Variants in AAK1 observed in about 807,000 individuals in gnomAD.
AAK1 encodes the protein AP2-associated protein kinase 1.
AAK1 carries 37 observed loss-of-function variants against 116.0 expected under a neutral mutation model. The observed-to-expected ratio is 0.32, with a 90% CI of 0.25 to 0.42. The LOEUF is 0.42. Among genes scored for constraint, AAK1 ranks in the 10% least tolerant of loss-of-function variants. The probability of loss-of-function intolerance (pLI) is 1.00; values close to 1 mark genes in which losing one functional copy is unlikely to be tolerated. For missense variants in AAK1, 919 were observed against 1,170.6 expected (o/e 0.79, Z 3.14); for synonymous variants, 458 against 439.9 (o/e 1.04, Z -0.51).
chr2:69,521,915 A>G lies in AAK1; in HGVS notation c.1056-927T>C, dbSNP rs147468505. Among the ~76,000 whole-genome samples, 31 of 152,402 alleles carry G rather than the reference A, an allele frequency of 2.0e-4. No individual in the cohort carries two copies. In the East Asian group the frequency reaches 5.8e-3, roughly 28 times the overall value. ...TAGATCCCTGAGGGCCTCATGGAGCAGAACTGCCATGCTGGCCTTGGACTA... is the reference window on the plus strand; with the variant it reads ...TAGATCCCTGAGGGCCTCATGGAGCGGAACTGCCATGCTGGCCTTGGACTA... On this transcript the variant is annotated intron_variant, in intron 10 of 21. Coordinates refer to ENST00000409085, the MANE Select transcript of AAK1 (RefSeq NM_014911.5).
intron 21 of AAK1, 70 bp downstream of exon 21, chr2:69,476,810 G>T: frequency 1.9e-6 from 2 of 1,068,384 alleles, no homozygotes; most frequent in Non-Finnish European, 1.4e-6. Context: ...CCCCCTTGCA[G>T]ATTAGGTGCA....
chr2:69,491,185 T>A (rs1675507786), intron 17 of AAK1, among the ~76,000 whole-genome samples: 1 of 152,116 alleles, frequency 6.6e-6, no homozygotes, highest in South Asian at 2.1e-4. Context: ...GCTCAAGTGA[T>A]CCTTTCGCCT....
At chr2:69,505,890 T>C (rs1408633157) in intron 15 of AAK1, among the ~76,000 whole-genome samples, 1 of 152,236 alleles carries the variant, frequency 6.6e-6, no homozygotes, top group South Asian at 2.1e-4. Context: ...AGAGAGCATG[T>C]CATCAGTTTT....
At position 69,471,295 on chromosome 2, in the gene AAK1, G is replaced by A; in HGVS notation, c.*4574C>T. 1.0e-6 allele frequency: 1 copy of A among 985,426 alleles called. No individual in the cohort carries two copies. Among genetic ancestry groups the A allele is most frequent in the Non-Finnish European group, 1.2e-6 (1 of 829,932 alleles). The allele number at this position is 985,426 out of a possible 1,614,324, so 61.0% of individuals were successfully genotyped here. On this transcript the variant is annotated 3_prime_UTR_variant, in exon 22 of 22. Transcript: ENST00000409085. ...AGGAGCCTCCCTATCCCGTATTAGTGAAAGGAAATCTGGGAGAAGCAAAAG... is the reference window on the plus strand; with the variant it reads ...AGGAGCCTCCCTATCCCGTATTAGTAAAAGGAAATCTGGGAGAAGCAAAAG...
rs570882161 is a variant in AAK1 at position 69,486,377 on chromosome 2, G to C, written c.2366-3565C>G. Among the ~76,000 whole-genome samples, 4 of 152,264 alleles carry C rather than the reference G, an allele frequency of 2.6e-5. No individual in the cohort carries two copies. In the East Asian group the frequency reaches 7.7e-4, roughly 29 times the overall value. Reference sequence around the variant, plus strand: ...GAATGGTGTAAACTGCCTGATTTAGGGGGGCTTATTTTCTGACCAAACCTC... The same window carrying C: ...GAATGGTGTAAACTGCCTGATTTAGCGGGGCTTATTTTCTGACCAAACCTC... On this transcript the variant is annotated intron_variant, in intron 17 of 21. Coordinates refer to ENST00000409085, the MANE Select transcript of AAK1 (RefSeq NM_014911.5).
At chr2:69,596,148 AAGG>A (rs1673271144) in intron 2 of AAK1, among the ~76,000 whole-genome samples, 1 of 152,190 alleles carries the variant, frequency 6.6e-6, no homozygotes, top group South Asian at 2.1e-4. Context: ...GGAGATGCAC[AAGG>A]AGATTAATGT....
intron 5 of AAK1, among the ~76,000 whole-genome samples, chr2:69,535,206 C>T (rs1670412674): frequency 6.6e-6 from 1 of 152,100 alleles, no homozygotes; most frequent in Non-Finnish European, 1.5e-5. Context: ...GCTGTTATAC[C>T]ATACATTTAT....
At chr2:69,489,594 T>C (rs988197774) in intron 17 of AAK1, among the ~76,000 whole-genome samples, 4 of 151,978 alleles carry the variant, frequency 2.6e-5, no homozygotes, top group African/African-American at 9.7e-5. Flanking sequence ...AAGGGCCGAA[T>C]ACCAGCCCCA....
chr2:69,580,083 A>G (rs546323834), intron 2 of AAK1, among the ~76,000 whole-genome samples: 4 of 152,096 alleles, frequency 2.6e-5, no homozygotes, highest in African/African-American at 4.8e-5. Flanking sequence ...ACTAACAACC[A>G]AATCTTGATG....
intron 2 of AAK1, among the ~76,000 whole-genome samples, chr2:69,639,670 A>C (rs1421184700): frequency 3.3e-5 from 5 of 152,182 alleles, no homozygotes; most frequent in Non-Finnish European, 7.3e-5. Context: ...ACGCTAGAGA[A>C]AAAGAGATCA....
chr2:69,470,169 A>G lies in AAK1; in HGVS notation c.*5700T>C. 1.0e-6 allele frequency: 1 copy of G among 985,434 alleles called. No homozygotes were observed. The highest frequency in any genetic ancestry group is 1.2e-6 in the Non-Finnish European group (1 of 829,926). 61.0% of individuals were successfully genotyped at this position (985,434 alleles called of 1,614,324 possible). A position where few individuals can be genotyped will look rare whatever the true frequency, so the allele number is the denominator to read the frequency against. On this transcript the variant is annotated 3_prime_UTR_variant, in exon 22 of 22. Transcript: ENST00000409085. ...CAACACCAGAAGTTTACTTTTCCTC[A>G]TACCAAAAACTGAAAGAACGGTTAC...
At chr2:69,519,673 A>T (rs930820460) in intron 11 of AAK1, among the ~76,000 whole-genome samples, 9 of 152,218 alleles carry the variant, frequency 5.9e-5, no homozygotes, top group Non-Finnish European at 1.2e-4. Flanking sequence ...ATGGCCACCA[A>T]ATTCACCAAA....
At chr2:69,622,104 G>C (rs546798408) in intron 2 of AAK1, among the ~76,000 whole-genome samples, 7 of 152,356 alleles carry the variant, frequency 4.6e-5, no homozygotes, top group South Asian at 2.1e-4. Flanking sequence ...GGCGGGAACC[G>C]GGGCTGCGCA....
intron 5 of AAK1, among the ~76,000 whole-genome samples, chr2:69,540,268 C>T (rs1255138514): frequency 2.0e-5 from 3 of 152,112 alleles, no homozygotes; most frequent in African/African-American, 7.2e-5. Flanking sequence ...ATTACAGGTG[C>T]CAGCCACCAC....
intron 3 of AAK1, among the ~76,000 whole-genome samples, chr2:69,556,219 G>T (rs1349567911): frequency 1.3e-5 from 2 of 152,116 alleles, no homozygotes; most frequent in East Asian, 3.8e-4. Flanking sequence ...CCACGGCCTA[G>T]AAAGTCCCCG....
At chr2:69,637,640 T>C (rs1237469102) in intron 2 of AAK1, among the ~76,000 whole-genome samples, 1 of 152,212 alleles carries the variant, frequency 6.6e-6, no homozygotes, top group Non-Finnish European at 1.5e-5. Flanking sequence ...ATGTCACAGT[T>C]ACCTCATAAG....
rs370793568 is a variant in AAK1, at chr2:69,465,205, TAAAC to T, written c.*10660_*10663del. On this transcript the variant is annotated 3_prime_UTR_variant, in exon 22 of 22. Coordinates refer to ENST00000409085, the MANE Select transcript of AAK1 (RefSeq NM_014911.5). ...ATGCCTCCAAGTCCAGAAATCAATA[TAAAC>T]AAACAAACAAACAAACAAAAATGAA... 4.9e-4 allele frequency: 168 copies of T among 340,104 alleles called. No homozygotes were observed. The highest frequency in any genetic ancestry group is 2.5e-3 in the African/African-American group (117 of 46,146). 21.1% of individuals were successfully genotyped at this position (340,104 alleles called of 1,614,324 possible).
intron 2 of AAK1, among the ~76,000 whole-genome samples, chr2:69,581,310 C>T (rs1347983840): frequency 1.3e-5 from 2 of 152,122 alleles, no homozygotes; most frequent in African/African-American, 4.8e-5. Context: ...GATGGGGTTT[C>T]ACCACGTTGG....
chr2:69,464,538 G>T lies in AAK1; in HGVS notation c.*11331C>A, dbSNP rs1342925965. The T allele has an allele frequency of 6.6e-6, 1 of 152,526 alleles. No individual in the cohort carries two copies. Among genetic ancestry groups the T allele is most frequent in the Non-Finnish European group, 1.5e-5 (1 of 68,030 alleles). 9.4% of individuals were successfully genotyped at this position (152,526 alleles called of 1,614,324 possible). A position where few individuals can be genotyped will look rare whatever the true frequency, so the allele number is the denominator to read the frequency against. ...GAAAAAAACTAAATAAATAAAATGGGGTTCAAGTCAGTTAGGCGAGCAAAC... is the reference window on the plus strand; with the variant it reads ...GAAAAAAACTAAATAAATAAAATGGTGTTCAAGTCAGTTAGGCGAGCAAAC... On this transcript the variant is annotated 3_prime_UTR_variant, in exon 22 of 22. Coordinates refer to ENST00000409085, the MANE Select transcript of AAK1 (RefSeq NM_014911.5).
Sources: gnomAD v4.1 joint callset for allele counts (sites outside exome capture counted in the v4.1 genomes callset) on GRCh38, gnomAD v4.1.1 for gene constraint, MANE v1.5 for transcripts, NCBI Gene and HGNC (gene_info 2026-07-23, HGNC 2026-07-21) for gene names.